The following ATRN variants were observed in gnomAD, a reference collection of about 807,000 sequenced individuals.
The protein encoded by ATRN is attractin-2.
In ATRN, 54 loss-of-function variants were observed where a neutral mutation model predicts 178.7. The ratio of observed to expected loss-of-function variants is 0.30; its 90% CI spans 0.24 to 0.38. ATRN has a LOEUF of 0.38. Ranked by LOEUF, ATRN falls within the 10% of genes least tolerant of loss-of-function variation. ATRN has a pLI of 1.00. For missense variants in ATRN, 1,443 were observed against 1,815.1 expected (o/e 0.79, Z 3.73); for synonymous variants, 636 against 663.0 (o/e 0.96, Z 0.63).
chr20:3,547,574 A>C lies in ATRN; in HGVS notation c.943+85A>C, dbSNP rs540107990. 1.2e-4 allele frequency: 131 copies of C among 1,074,076 alleles called. 3 individuals carry two copies. The South Asian group carries it at 2.0e-3, about 16-fold the overall frequency. The allele number at this position is 1,074,076 out of a possible 1,614,324, so 66.5% of individuals were successfully genotyped here. On this transcript the variant is annotated intron_variant, in intron 5 of 28. Coordinates refer to ENST00000262919, the MANE Select transcript of ATRN (RefSeq NM_139321.3). ...ATTATAGATTGACTTTATTCTTAGCACCTATATAATTTATATTAATCAAAT... is the reference window on the plus strand; with the variant it reads ...ATTATAGATTGACTTTATTCTTAGCCCCTATATAATTTATATTAATCAAAT...
At chr20:3,499,410 A>G (rs953638595) in intron 1 of ATRN, among the ~76,000 whole-genome samples, 68 of 144,226 alleles carry the variant, frequency 4.7e-4, no homozygotes, top group African/African-American at 1.6e-3. Context: ...AGCTGTAGGC[A>G]TCACACTACC....
At chr20:3,599,401 ATTTGGACCT>A (rs953460613) in intron 22 of ATRN, among the ~76,000 whole-genome samples, 10 of 152,208 alleles carry the variant, frequency 6.6e-5, no homozygotes, top group Non-Finnish European at 1.2e-4. Context: ...CCATGAAAGT[ATTTGGACCT>A]TTCTGGATTT....
At chr20:3,476,675 A>G (rs910591158) in intron 1 of ATRN, among the ~76,000 whole-genome samples, 4 of 152,168 alleles carry the variant, frequency 2.6e-5, no homozygotes, top group African/African-American at 4.8e-5. Flanking sequence ...CCTGACCAAC[A>G]TGGTGAAACC....
chr20:3,508,960 G>A (rs572173127), intron 1 of ATRN, among the ~76,000 whole-genome samples: 6 of 151,878 alleles, frequency 4.0e-5, no homozygotes, highest in African/African-American at 1.2e-4. Context: ...AGTAGTAAAA[G>A]TAAAGGTAAT....
At position 3,552,779 on chromosome 20, in the gene ATRN, A is replaced by T. The variant is rs1388257010; in HGVS notation, c.1112+3441A>T. ...CAGCTTTCTGCTGGCTATTGACTTG[A>T]GGCTGTCCTTAATTTACGGAGGCTG... is the stretch of plus-strand genomic sequence containing the variant. On this transcript the variant is annotated intron_variant, in intron 6 of 28. Transcript: ENST00000262919. Among the ~76,000 whole-genome samples, 35 of 152,100 alleles carry T rather than the reference A, an allele frequency of 2.3e-4. 2 individuals are homozygous for T. Among genetic ancestry groups the T allele is most frequent in the Admixed American group, 2.2e-3 (34 of 15,274 alleles).
chr20:3,629,304 G>A (rs990666543), intron 25 of ATRN: 15 of 985,002 alleles, frequency 1.5e-5, no homozygotes, highest in Middle Eastern at 5.2e-4. Flanking sequence ...GTGAACTGGC[G>A]TCCGCTTTTC....
At chr20:3,493,462 A>G (rs1413059634) in intron 1 of ATRN, among the ~76,000 whole-genome samples, 1 of 151,174 alleles carries the variant, frequency 6.6e-6, no homozygotes, top group African/African-American at 2.4e-5. Context: ...TGCCCAACCT[A>G]TTTTTATTTT....
At chr20:3,612,298 A>G (rs149386290) in intron 24 of ATRN, among the ~76,000 whole-genome samples, 16 of 152,380 alleles carry the variant, frequency 1.1e-4, no homozygotes, top group South Asian at 2.1e-4. Flanking sequence ...TTGCATTTAT[A>G]TAACATTTGA....
chr20:3,479,749 G>C (rs1467977046), intron 1 of ATRN, among the ~76,000 whole-genome samples: 1 of 152,194 alleles, frequency 6.6e-6, no homozygotes, highest in African/African-American at 2.4e-5. Context: ...TCTGTTCCAT[G>C]CCTTTCTCTT....
chr20:3,477,036 C>T (rs1280198586), intron 1 of ATRN, among the ~76,000 whole-genome samples: 1 of 150,956 alleles, frequency 6.6e-6, no homozygotes, highest in Non-Finnish European at 1.5e-5. Flanking sequence ...GGGCAGGGGC[C>T]TGGAGCATAG....
At chr20:3,577,055 C>G in intron 14 of ATRN, 58 bp downstream of exon 14, 2 of 1,592,614 alleles carry the variant, frequency 1.3e-6, no homozygotes, top group South Asian at 2.3e-5. Context: ...CCTGCTTCCC[C>G]CAACACTGTG....
At chr20:3,633,233 G>A (rs575544306) in intron 25 of ATRN, among the ~76,000 whole-genome samples, 2 of 152,326 alleles carry the variant, frequency 1.3e-5, no homozygotes, top group South Asian at 2.1e-4. Context: ...ATCCTGGGGG[G>A]GTTGGAAGGC....
At chr20:3,489,436 A>G (rs1176937414) in intron 1 of ATRN, 2 of 761,808 alleles carry the variant, frequency 2.6e-6, no homozygotes, top group Non-Finnish European at 4.7e-6. Context: ...TACGTAGCAA[A>G]GGGTCTTTAA....
Position 3,649,258 on chromosome 20 carries a change from G to A in ATRN, c.*2411G>A, listed in dbSNP as rs1047690044. 1 of 152,596 alleles carries A rather than the reference G, an allele frequency of 6.6e-6. No homozygotes were observed. The highest frequency in any genetic ancestry group is 1.5e-5 in the Non-Finnish European group (1 of 68,048). 9.5% of individuals were successfully genotyped at this position (152,596 alleles called of 1,614,324 possible). The stretch of plus-strand genomic sequence containing the variant: ...AGTGTTGCGCGTCACAAGAGAGCCT[G>A]TATATAAATTAAAATAGTCAAGACA... On this transcript the variant is annotated 3_prime_UTR_variant, in exon 29 of 29. Coordinates refer to ENST00000262919, the MANE Select transcript of ATRN (RefSeq NM_139321.3).
chr20:3,501,412 A>G (rs977103193), intron 1 of ATRN, among the ~76,000 whole-genome samples: 8 of 152,284 alleles, frequency 5.3e-5, no homozygotes, highest in East Asian at 1.9e-4. Flanking sequence ...AATTCCCACT[A>G]CAAGGAACTT....
intron 1 of ATRN, among the ~76,000 whole-genome samples, chr20:3,495,629 G>A (rs2084867607): frequency 6.6e-6 from 1 of 152,044 alleles, no homozygotes; most frequent in Admixed American, 6.6e-5. Context: ...AAATTCAATA[G>A]CAGTTCAGTC....
At chr20:3,606,383 C>G (rs904329024) in intron 24 of ATRN, among the ~76,000 whole-genome samples, 2 of 152,208 alleles carry the variant, frequency 1.3e-5, no homozygotes, top group African/African-American at 4.8e-5. Context: ...TCCTCTTCCT[C>G]TTCCTTAAAC....
At chr20:3,617,537 A>G (rs1387445900) in intron 24 of ATRN, among the ~76,000 whole-genome samples, 1 of 152,192 alleles carries the variant, frequency 6.6e-6, no homozygotes, top group Non-Finnish European at 1.5e-5. Flanking sequence ...ATGAAAAAGA[A>G]GCTGAGCATG....
intron 22 of ATRN, among the ~76,000 whole-genome samples, 175 bp downstream of exon 22, chr20:3,598,175 A>G (rs2086557852): frequency 6.6e-6 from 1 of 152,244 alleles, no homozygotes; most frequent in African/African-American, 2.4e-5. Flanking sequence ...TCCACATAAA[A>G]GGCAAAAGTG....
Sources: gnomAD v4.1 joint callset for allele counts (sites outside exome capture counted in the v4.1 genomes callset) on GRCh38, gnomAD v4.1.1 for gene constraint, MANE v1.5 for transcripts, NCBI Gene and HGNC (gene_info 2026-07-23, HGNC 2026-07-21) for gene names.